KCNT1: variants seen among roughly 807,000 people sequenced by gnomAD.
The protein encoded by KCNT1 is potassium channel subfamily T member 1.
In KCNT1, 78 loss-of-function variants were observed where a neutral mutation model predicts 147.8. That is an observed-to-expected ratio of 0.53 (90% CI 0.44 to 0.64). The LOEUF (loss-of-function observed/expected upper bound fraction) is 0.64. Ranked by LOEUF, KCNT1 falls within the 30% of genes least tolerant of loss-of-function variation. The pLI, the probability that KCNT1 is intolerant of heterozygous loss-of-function variation, is 0.00. For synonymous variants in KCNT1, 867 were observed against 748.8 expected, an observed-to-expected ratio of 1.16 and a Z score of -2.58; for missense variants, 1,419 against 1,750.3, an observed-to-expected ratio of 0.81 and a Z score of 3.38.
At chr9:135,769,053 G>A in intron 15 of KCNT1, 116 bp downstream of exon 15, 3 of 803,758 alleles carry the variant, frequency 3.7e-6, no homozygotes, top group Middle Eastern at 3.1e-4. Context: ...GTGCGTCTGG[G>A]GCAGGACGCG....
At chr9:135,785,194 G>A (rs569886244) in intron 27 of KCNT1, 116 bp from the exon 28 acceptor site, 3 of 1,472,230 alleles carry the variant, frequency 2.0e-6, no homozygotes, top group South Asian at 2.5e-5. Context: ...AGTCCACACA[G>A]CAGCAGGCAC....
intron 29 of KCNT1, chr9:135,789,936 C>T (rs578007014): frequency 1.3e-5 from 2 of 152,378 alleles, no homozygotes; most frequent in African/African-American, 4.8e-5. Flanking sequence ...GGACCAGTGC[C>T]ATGTGACTGA....
rs1488998841 is a variant in KCNT1, at chr9:135,752,188, C to T, written c.434+1147C>T. 7 of 355,408 alleles carry T rather than the reference C, an allele frequency of 2.0e-5. No homozygotes were observed. The highest frequency in any genetic ancestry group is 3.9e-5 in the Non-Finnish European group (7 of 179,406). 22.0% of individuals were successfully genotyped at this position (355,408 alleles called of 1,614,324 possible). A position where few individuals can be genotyped will look rare whatever the true frequency, so the allele number is the denominator to read the frequency against. On this transcript the variant is annotated intron_variant, in intron 4 of 30. Transcript: ENST00000371757. The surrounding 1 kb of genome is among the most constrained non-coding windows in gnomAD (Gnocchi z 5.1). ...GCCAGCATGCTGGTCCCCCCTCTGG[C>T]TGCGCAGAGCAGGTTCTTCCCTGGA...
rs1360729314 is a variant in KCNT1, at chr9:135,784,785, T to A, written c.3052T>A (p.Trp1018Arg). The A allele has an allele frequency of 6.2e-7, 1 of 1,612,576 alleles. No homozygotes were observed. Among genetic ancestry groups the A allele is most frequent in the African/African-American group, 1.3e-5 (1 of 74,882 alleles). ...GATGAAAATCACCGAGGGCGACCTGTGGATCCGCACGTACGGCCGCCTCTT... is the reference window on the plus strand; with the variant it reads ...GATGAAAATCACCGAGGGCGACCTGAGGATCCGCACGTACGGCCGCCTCTT... ...CAMKITEGDLWIRTYGRLFQK... is the reference protein window; with the variant it reads ...CAMKITEGDLRIRTYGRLFQK... Residue 1018 changes from tryptophan to arginine, a missense_variant, in exon 27 of 31, where the codon TGG (tryptophan) becomes AGG (arginine). Transcript: ENST00000371757.
intron 2 of KCNT1, among the ~76,000 whole-genome samples, chr9:135,729,388 T>C (rs571782950): frequency 9.2e-5 from 14 of 152,360 alleles, no homozygotes; most frequent in African/African-American, 1.7e-4. Flanking sequence ...TCTGTCCCAC[T>C]GTGCAGGAGG....
At chr9:135,775,703 T>C (rs949041229) in intron 20 of KCNT1, among the ~76,000 whole-genome samples, 1 of 152,120 alleles carries the variant, frequency 6.6e-6, no homozygotes, top group Admixed American at 6.6e-5. Flanking sequence ...TTTCCCCTAA[T>C]ACATCTACAT....
At chr9:135,732,218 C>T (rs1048815491) in intron 2 of KCNT1, among the ~76,000 whole-genome samples, 3 of 151,842 alleles carry the variant, frequency 2.0e-5, no homozygotes, top group Admixed American at 6.6e-5. Context: ...GGGGTTTCAC[C>T]TTGTTGGTTA....
chr9:135,765,979 G>C (rs1832247982), intron 13 of KCNT1, among the ~76,000 whole-genome samples: 1 of 151,930 alleles, frequency 6.6e-6, no homozygotes, highest in Admixed American at 6.5e-5. Flanking sequence ...ATTCAGGGTG[G>C]ACCTTCTGGG....
Position 135,750,082 on chromosome 9 carries a change from C to T in KCNT1, c.255-16C>T. ...CCACTGGCCCTGAGCCTCCATGCCC[C>T]TCTCTGCTTCTTCAGGGTCCAGGTG... On this transcript the variant is annotated splice_polypyrimidine_tract_variant and intron_variant, in intron 2 of 30. Coordinates refer to ENST00000371757, the MANE Select transcript of KCNT1 (RefSeq NM_020822.3). 6.2e-7 allele frequency: 1 copy of T among 1,611,464 alleles called. No individual in the cohort carries two copies. The highest frequency in any genetic ancestry group is 8.5e-7 in the Non-Finnish European group (1 of 1,177,884).
intron 16 of KCNT1, 120 bp from the exon 17 acceptor site, chr9:135,770,178 C>T: frequency 7.1e-7 from 1 of 1,402,872 alleles, no homozygotes; most frequent in East Asian, 2.4e-5. Flanking sequence ...GGGCAAAAGT[C>T]CTGCATAGGG....
rs765193021 is a variant in KCNT1, at chr9:135,765,134, C to T, written c.1139C>T (p.Ser380Phe). The T allele has an allele frequency of 6.2e-6, 10 of 1,613,576 alleles. No individual in the cohort carries two copies. Among genetic ancestry groups the T allele is most frequent in the African/African-American group, 1.3e-5 (1 of 75,046 alleles). Residue 380 changes from serine (S) to phenylalanine (F), a missense_variant, in exon 12 of 31, where the codon TCC (serine) becomes TTC (phenylalanine). Coordinates refer to ENST00000371757, the MANE Select transcript of KCNT1 (RefSeq NM_020822.3). ...AAGCACGTGGTCCTGTGTGTCAGCTCCCTCAAGATCGACCTTCTCATGGAC... is the reference window on the plus strand; with the variant it reads ...AAGCACGTGGTCCTGTGTGTCAGCTTCCTCAAGATCGACCTTCTCATGGAC... The part of the protein sequence containing the change: ...TEKHVVLCVS[S>F]LKIDLLMDFL...
chr9:135,781,081 C>T (rs577618971), intron 24 of KCNT1, among the ~76,000 whole-genome samples: 4 of 152,358 alleles, frequency 2.6e-5, no homozygotes, highest in South Asian at 2.1e-4. Flanking sequence ...TCTCTTTCCC[C>T]GGCTTCACCT....
At chr9:135,786,060 T>C (rs898656261) in intron 28 of KCNT1, 137 bp from the exon 29 acceptor site, 91 of 722,348 alleles carry the variant, frequency 1.3e-4, no homozygotes, top group Middle Eastern at 2.9e-4. Flanking sequence ...GTCGTCCTCT[T>C]CCCTAACACC....
chr9:135,784,628 C>T lies in KCNT1; in HGVS notation c.3027+10C>T, dbSNP rs749330228. 4 of 1,611,586 alleles carry T rather than the reference C, an allele frequency of 2.5e-6. No homozygotes were observed. In the African/African-American group the frequency reaches 5.3e-5, roughly 22 times the overall value. ...GGGGTACCTCTGTGCCGTAAGTGCC[C>T]CTGGCTGCGCTGGGCTGGGGGCGTG... On this transcript the variant is annotated intron_variant, in intron 26 of 30. Coordinates refer to ENST00000371757, the MANE Select transcript of KCNT1 (RefSeq NM_020822.3).
In KCNT1 at chr9:135,772,243, C is replaced by A. The variant is rs1331990633; in HGVS notation, c.2009-472C>A. On this transcript the variant is annotated intron_variant, in intron 18 of 30. Coordinates refer to ENST00000371757, the MANE Select transcript of KCNT1 (RefSeq NM_020822.3). ...CAACCCTCACTGTACCCACAGAGGC[C>A]CTGGGCCATACCTAGAGGTCCACAA... Among the ~76,000 whole-genome samples, 4 of 152,210 alleles carry A rather than the reference C, an allele frequency of 2.6e-5. 1 individual carries two copies. The highest frequency in any genetic ancestry group is 4.4e-5 in the Non-Finnish European group (3 of 68,026).
intron 2 of KCNT1, chr9:135,742,711 T>C (rs1466990404): frequency 1.4e-6 from 1 of 716,952 alleles, no homozygotes; most frequent in Admixed American, 2.0e-5. Flanking sequence ...ATCTGTCTGC[T>C]GCCTTCTCCA....
chr9:135,761,646 C>A (rs893630645), intron 11 of KCNT1, among the ~76,000 whole-genome samples: 2 of 152,378 alleles, frequency 1.3e-5, no homozygotes, highest in South Asian at 4.1e-4. Flanking sequence ...CCCTGGTCCG[C>A]CCCGGCCCAC....
chr9:135,784,103 T>C lies in KCNT1; in HGVS notation c.2921T>C (p.Met974Thr), dbSNP rs1833831475. 4 of 1,604,828 alleles carry C rather than the reference T, an allele frequency of 2.5e-6. No homozygotes were observed. Among genetic ancestry groups the C allele is most frequent in the Non-Finnish European group, 3.4e-6 (4 of 1,179,894 alleles). ...GCCGGCCGCGTCTTCAGCATCAGCA[T>C]GTTGGACACACTGCTCTACCAGGTC... ...FAAGRVFSIS[M>T]LDTLLYQSFV... The change falls in exon 25 of 31, where the codon ATG becomes ACG. Residue 974 changes from methionine (M) to threonine (T), a missense_variant. By Grantham distance (81) the Met-to-Thr change is moderately conservative. This residue lies in a region of KCNT1 where 247 missense variants were observed against 397.1 expected (regional missense o/e 0.62). Transcript: ENST00000371757.
In KCNT1 at chr9:135,778,701, C is replaced by A; in HGVS notation, c.2608C>A (p.Leu870Met). ...TCCCGCCACCAGCCTGGACAGCCTG[C>A]TGCAGTGTGGCATCATCTATGCGGA... is the stretch of plus-strand genomic sequence containing the variant. ...EGSVDNLDSL[L>M]QCGIIYADNL... is the part of the protein sequence containing the mutation. Residue 870 changes from leucine (L) to methionine (M), a missense_variant, in exon 23 of 31, where the codon CTG becomes ATG. Leu to Met is a conservative substitution (Grantham distance 15, BLOSUM62 2). Transcript: ENST00000371757. 1 of 1,613,848 alleles carries A rather than the reference C, an allele frequency of 6.2e-7. No homozygotes were observed. The highest frequency in any genetic ancestry group is 8.5e-7 in the Non-Finnish European group (1 of 1,179,912).
Sources: gnomAD v4.1 joint callset for allele counts (sites outside exome capture counted in the v4.1 genomes callset) on GRCh38, gnomAD v4.1.1 for gene constraint, gnomAD v4.1.1 regional missense constraint, Gnocchi (gnomAD v3.1) non-coding constraint, MANE v1.5 for transcripts, NCBI Gene and HGNC (gene_info 2026-07-23, HGNC 2026-07-21) for gene names.